Variants in MATN2 observed in about 807,000 individuals in gnomAD.
MATN2 encodes matrilin-2.
In MATN2, 69 loss-of-function variants were observed where a neutral mutation model predicts 103.2. That is an observed-to-expected ratio of 0.67 (90% confidence interval 0.55 to 0.82). The LOEUF is 0.82. Among genes scored for constraint, MATN2 ranks in the 40% least tolerant of loss-of-function variants. MATN2 has a pLI of 0.00. For synonymous variants in MATN2, 429 were observed against 450.2 expected (o/e 0.95, Z 0.60); for missense variants, 1,023 against 1,211.5 (o/e 0.84, Z 2.31).
chr8:97,902,691 A>G (rs983276166), intron 2 of MATN2, among the ~76,000 whole-genome samples: 1 of 152,018 alleles, frequency 6.6e-6, no homozygotes, highest in Admixed American at 6.6e-5. Flanking sequence ...CTTTTGTAGA[A>G]GATCTTCACA....
At position 98,035,745 on chromosome 8, in the gene MATN2, G is replaced by T. The variant is rs374486028; in HGVS notation, c.*33G>T. The T allele has an allele frequency of 6.7e-7, 1 of 1,493,480 alleles. No homozygotes were observed. The allele number at this position is 1,493,480 out of a possible 1,614,324, so 92.5% of individuals were successfully genotyped here. A position where few individuals can be genotyped will look rare whatever the true frequency, so the allele number is the denominator to read the frequency against. ...AAATCGCGACACATTTGTAGTCATT[G>T]TATCACGGATTACAATGAACGCAGT... is the stretch of plus-strand genomic sequence containing the variant. On this transcript the variant is annotated 3_prime_UTR_variant, in exon 19 of 19. Coordinates refer to ENST00000254898, the MANE Select transcript of MATN2 (RefSeq NM_002380.5).
chr8:98,016,396 C>A, intron 10 of MATN2, 144 bp from the exon 11 acceptor site: 1 of 712,294 alleles, frequency 1.4e-6, no homozygotes, highest in Non-Finnish European at 2.3e-6. Flanking sequence ...TGCTCATAGA[C>A]ATGCTTTATA....
intron 10 of MATN2, among the ~76,000 whole-genome samples, chr8:98,015,166 T>G (rs1813316126): frequency 6.6e-6 from 1 of 152,200 alleles, no homozygotes; most frequent in Non-Finnish European, 1.5e-5. Context: ...GCTCTTTGTA[T>G]TAATCCATGA....
At chr8:97,998,395 G>T (rs1429255967) in intron 7 of MATN2, among the ~76,000 whole-genome samples, 1 of 149,498 alleles carries the variant, frequency 6.7e-6, no homozygotes. Flanking sequence ...GGTGGCGGGC[G>T]CCTGTAGTCC....
At chr8:97,889,402 C>A (rs149222563) in intron 2 of MATN2, among the ~76,000 whole-genome samples, 37 of 149,220 alleles carry the variant, frequency 2.5e-4, no homozygotes, top group African/African-American at 9.1e-4. Context: ...TTAATTGAAA[C>A]GTTTTAAAAA....
chr8:97,945,715 A>ATATATATATAT lies in MATN2; in HGVS notation c.835+3816_835+3817insTATATATATAT, dbSNP rs554472078. On this transcript the variant is annotated intron_variant, in intron 4 of 18. Coordinates refer to ENST00000254898, the MANE Select transcript of MATN2 (RefSeq NM_002380.5). ...CACATACACACTATAGAAAAAAAAAAAAATATATATATATATATATAATCT... is the reference window on the plus strand; with the variant it reads ...CACATACACACTATAGAAAAAAAAAATATATATATATAAATATATATATATATATATAATCT... 2.2e-4 allele frequency among the ~76,000 whole-genome samples: 16 copies of ATATATATATAT among 71,768 alleles called. 1 individual carries two copies. Among genetic ancestry groups the ATATATATATAT allele is most frequent in the Admixed American group, 6.6e-4 (4 of 6,066 alleles). 47.1% of individuals were successfully genotyped at this position (71,768 alleles called of 152,430 possible). A position where few individuals can be genotyped will look rare whatever the true frequency, so the allele number is the denominator to read the frequency against.
intron 1 of MATN2, among the ~76,000 whole-genome samples, chr8:97,879,324 C>A (rs1012436866): frequency 6.6e-6 from 1 of 152,168 alleles, no homozygotes; most frequent in Non-Finnish European, 1.5e-5. Context: ...GTTCTTCAAG[C>A]CCTAATGGGG....
intron 1 of MATN2, among the ~76,000 whole-genome samples, chr8:97,878,536 ACT>A (rs983906923): frequency 2.0e-5 from 3 of 150,786 alleles, no homozygotes; most frequent in Non-Finnish European, 3.0e-5. Flanking sequence ...GCAATGCAAG[ACT>A]CTGTCTCAAA....
At chr8:97,965,026 GC>G (rs1351611399) in intron 5 of MATN2, among the ~76,000 whole-genome samples, 1 of 151,958 alleles carries the variant, frequency 6.6e-6, no homozygotes, top group Non-Finnish European at 1.5e-5. Context: ...GAGCCACTGC[GC>G]CCGACTGACC....
intron 3 of MATN2, among the ~76,000 whole-genome samples, chr8:97,932,540 T>A (rs913920000): frequency 6.6e-6 from 1 of 152,186 alleles, no homozygotes; most frequent in African/African-American, 2.4e-5. Context: ...TTTCTAACCC[T>A]CTTTTCACAG....
chr8:97,904,979 T>C (rs1268542204), intron 2 of MATN2, among the ~76,000 whole-genome samples: 1 of 152,218 alleles, frequency 6.6e-6, no homozygotes, highest in Non-Finnish European at 1.5e-5. Flanking sequence ...AGCAGTACTG[T>C]GTCTCCAGTA....
At chr8:97,887,872 T>G (rs1008574904) in intron 1 of MATN2, 13 of 480,666 alleles carry the variant, frequency 2.7e-5, no homozygotes, top group Non-Finnish European at 4.3e-5. Flanking sequence ...ATTCCAACTA[T>G]GCATGCCCTG....
chr8:97,888,348 C>A, intron 2 of MATN2, 106 bp downstream of exon 2: 1 of 1,304,134 alleles, frequency 7.7e-7, no homozygotes, highest in South Asian at 2.0e-5. Context: ...TTCCCTGGGT[C>A]CTTGTTGGAT....
chr8:97,889,178 C>T (rs1251193979), intron 2 of MATN2, among the ~76,000 whole-genome samples: 1 of 151,998 alleles, frequency 6.6e-6, no homozygotes. Flanking sequence ...AAGAGAACTG[C>T]CCAGTGACCT....
intron 10 of MATN2, among the ~76,000 whole-genome samples, chr8:98,009,713 G>C (rs985633786): frequency 6.6e-6 from 1 of 152,186 alleles, no homozygotes; most frequent in Non-Finnish European, 1.5e-5. Flanking sequence ...CGGGCAGTTA[G>C]ATGCACAGAC....
chr8:98,012,677 G>A (rs1586156327), intron 10 of MATN2, among the ~76,000 whole-genome samples: 1 of 152,232 alleles, frequency 6.6e-6, no homozygotes, highest in South Asian at 2.1e-4. Context: ...AATGATTTTT[G>A]TCTAGTTTGT....
chr8:98,009,895 C>T (rs1298676747), intron 10 of MATN2, among the ~76,000 whole-genome samples: 1 of 152,190 alleles, frequency 6.6e-6, no homozygotes, highest in East Asian at 1.9e-4. Context: ...GCCCACTGGC[C>T]TGCAAGCTCC....
At chr8:97,872,552 C>T (rs1229145307) in intron 1 of MATN2, among the ~76,000 whole-genome samples, 2 of 152,188 alleles carry the variant, frequency 1.3e-5, no homozygotes, top group Non-Finnish European at 2.9e-5. Context: ...ATCAAGGTGT[C>T]AGCAGGGCTC....
intron 14 of MATN2, among the ~76,000 whole-genome samples, chr8:98,029,367 G>A (rs1813922601): frequency 6.6e-6 from 1 of 152,140 alleles, no homozygotes; most frequent in East Asian, 1.9e-4. Flanking sequence ...CAGAGACAGT[G>A]GTTAGCCCTT....
Sources: allele counts gnomAD v4.1 joint callset (sites outside exome capture counted in the v4.1 genomes callset), GRCh38; gene constraint gnomAD v4.1.1; transcripts MANE v1.5; gene names NCBI Gene and HGNC (gene_info 2026-07-23, HGNC 2026-07-21).